Variants in GALNT17 observed in about 807,000 individuals in gnomAD.
GALNT17 encodes UDP-GalNAc:polypeptide N-acetylgalactosaminyltransferase-like 3.
GALNT17 carries 29 observed loss-of-function variants against 63.7 expected under a neutral mutation model. That is an observed-to-expected ratio of 0.46 (90% confidence interval 0.34 to 0.62). The LOEUF is 0.62. Ranked by LOEUF, GALNT17 falls within the 20% of genes least tolerant of loss-of-function variation. GALNT17 has a pLI of 0.01. For missense variants in GALNT17, 603 were observed against 799.6 expected, an observed-to-expected ratio of 0.75 and a Z score of 2.97; for synonymous variants, 305 against 318.3, an observed-to-expected ratio of 0.96 and a Z score of 0.45.
intron 6 of GALNT17, among the ~76,000 whole-genome samples, chr7:71,626,692 T>C (rs996763988): frequency 6.6e-6 from 1 of 152,210 alleles, no homozygotes; most frequent in Non-Finnish European, 1.5e-5. Flanking sequence ...TTGTCTGTTA[T>C]CCAAGGGGAG....
intron 5 of GALNT17, among the ~76,000 whole-genome samples, chr7:71,517,628 A>G (rs929596160): frequency 1.3e-5 from 2 of 152,208 alleles, no homozygotes; most frequent in Non-Finnish European, 2.9e-5. Context: ...CATCACTACT[A>G]TATAAGACTC....
intron 2 of GALNT17, among the ~76,000 whole-genome samples, chr7:71,358,702 A>G (rs1346652759): frequency 6.6e-6 from 1 of 152,142 alleles, no homozygotes; most frequent in African/African-American, 2.4e-5. Flanking sequence ...GTGTTCAGAG[A>G]TATGTGGAAC....
chr7:71,139,680 T>G (rs62459623), intron 1 of GALNT17, among the ~76,000 whole-genome samples: 8 of 152,092 alleles, frequency 5.3e-5, no homozygotes, highest in Non-Finnish European at 1.0e-4. Flanking sequence ...CTCACAGGTC[T>G]CCAAGGTGGA....
At chr7:71,146,236 C>T (rs759451403) in intron 1 of GALNT17, among the ~76,000 whole-genome samples, 5 of 152,028 alleles carry the variant, frequency 3.3e-5, no homozygotes, top group Non-Finnish European at 5.9e-5. Context: ...GTGCCACCAC[C>T]GCAGCCCACT....
At chr7:71,214,260 G>A (rs1394238608) in intron 1 of GALNT17, among the ~76,000 whole-genome samples, 1 of 152,168 alleles carries the variant, frequency 6.6e-6, no homozygotes, top group African/African-American at 2.4e-5. Flanking sequence ...TCTGTTGCAG[G>A]TGCTGTTAAA....
chr7:71,494,599 C>G (rs1788062732), intron 5 of GALNT17, among the ~76,000 whole-genome samples: 1 of 152,108 alleles, frequency 6.6e-6, no homozygotes, highest in African/African-American at 2.4e-5. Flanking sequence ...GCTCAAGTAA[C>G]TCTCCTGCCT....
At chr7:71,163,812 G>A (rs1479625049) in intron 1 of GALNT17, among the ~76,000 whole-genome samples, 1 of 152,152 alleles carries the variant, frequency 6.6e-6, no homozygotes, top group East Asian at 1.9e-4. Context: ...GATCGAAAAG[G>A]GATGTAGTGA....
At chr7:71,425,748 T>G (rs1374877755) in intron 5 of GALNT17, among the ~76,000 whole-genome samples, 2 of 151,918 alleles carry the variant, frequency 1.3e-5, no homozygotes, top group Non-Finnish European at 2.9e-5. Context: ...ACACCGGCAG[T>G]GGGCACCTGT....
intron 1 of GALNT17, among the ~76,000 whole-genome samples, chr7:71,231,926 A>G (rs1025788668): frequency 7.9e-5 from 12 of 152,088 alleles, no homozygotes; most frequent in Admixed American, 3.9e-4. Context: ...TAGGTTCAGC[A>G]TGAAATTTAG....
chr7:71,157,886 T>C (rs531048057), intron 1 of GALNT17, among the ~76,000 whole-genome samples: 1 of 151,862 alleles, frequency 6.6e-6, no homozygotes, highest in Admixed American at 6.5e-5. Context: ...TATTTGCCTT[T>C]TTGTGCTTGG....
intron 8 of GALNT17, among the ~76,000 whole-genome samples, chr7:71,670,916 G>T (rs1323277094): frequency 6.6e-6 from 1 of 151,252 alleles, no homozygotes; most frequent in Non-Finnish European, 1.5e-5. Flanking sequence ...GTGTGTGTGT[G>T]CATGTGTGTG....
intron 6 of GALNT17, among the ~76,000 whole-genome samples, chr7:71,654,743 T>C (rs77274181): frequency 0.087 from 13,188 of 152,224 alleles, 683 homozygotes; most frequent in Middle Eastern, 0.15. Flanking sequence ...CTTCTGAAAA[T>C]AGATCACAGG....
chr7:71,523,682 C>A (rs188731986), intron 5 of GALNT17, among the ~76,000 whole-genome samples: 1 of 150,522 alleles, frequency 6.6e-6, no homozygotes, highest in East Asian at 2.0e-4. Flanking sequence ...TTCAAGCCTG[C>A]AGAGAGCTAT....
At chr7:71,332,294 GAA>G (rs796153788) in intron 1 of GALNT17, among the ~76,000 whole-genome samples, 2 of 145,654 alleles carry the variant, frequency 1.4e-5, no homozygotes, top group Admixed American at 6.9e-5. Flanking sequence ...TGGATTTGGG[GAA>G]AAAAAAAAAT....
chr7:71,629,933 G>T (rs1790431181), intron 6 of GALNT17, among the ~76,000 whole-genome samples: 1 of 151,160 alleles, frequency 6.6e-6, no homozygotes, highest in African/African-American at 2.4e-5. Context: ...AAGTCACCAG[G>T]TTCACAATAC....
chr7:71,194,733 C>A (rs1301516085), intron 1 of GALNT17, among the ~76,000 whole-genome samples: 1 of 152,286 alleles, frequency 6.6e-6, no homozygotes, highest in Admixed American at 6.5e-5. Context: ...CAGCTCCAAA[C>A]TTTATTTATT....
At chr7:71,639,810 C>G (rs1790578435) in intron 6 of GALNT17, among the ~76,000 whole-genome samples, 1 of 152,152 alleles carries the variant, frequency 6.6e-6, no homozygotes, top group Non-Finnish European at 1.5e-5. Context: ...TCCATTATTG[C>G]TTTGGCTGTT....
chr7:71,202,324 C>T (rs1004862361), intron 1 of GALNT17, among the ~76,000 whole-genome samples: 2 of 151,872 alleles, frequency 1.3e-5, no homozygotes, highest in East Asian at 3.9e-4. Flanking sequence ...GAAAGTGAAA[C>T]TTTCACCCAC....
rs143778340 is a variant in GALNT17 at position 71,594,606 on chromosome 7, G to T, written c.1080+23204G>T. 1.9e-3 allele frequency among the ~76,000 whole-genome samples: 289 copies of T among 152,206 alleles called. 1 individual carries two copies. Among genetic ancestry groups the T allele is most frequent in the Non-Finnish European group, 2.9e-3 (200 of 68,004 alleles). ...TGCCCAGCCAGAACCAGGATATCAT[G>T]AGAAACTCTAGCAAAGCTGTTAAGA... is the stretch of plus-strand genomic sequence containing the variant. On this transcript the variant is annotated intron_variant, in intron 6 of 10. Coordinates refer to ENST00000333538, the MANE Select transcript of GALNT17 (RefSeq NM_022479.3).
Sources: gnomAD v4.1 joint callset for allele counts (sites outside exome capture counted in the v4.1 genomes callset) on GRCh38, gnomAD v4.1.1 for gene constraint, MANE v1.5 for transcripts, NCBI Gene and HGNC (gene_info 2026-07-23, HGNC 2026-07-21) for gene names.